Variants in RBFOX2 observed in about 807,000 individuals in gnomAD.
RBFOX2 encodes RNA binding protein fox-1 homolog 2.
In RBFOX2, 10 loss-of-function variants were observed where a neutral mutation model predicts 49.1. That is an observed-to-expected ratio of 0.20 (90% CI 0.13 to 0.35). The LOEUF is 0.35. Ranked by LOEUF, RBFOX2 falls within the 10% of genes least tolerant of loss-of-function variation. The pLI, the probability that RBFOX2 is intolerant of heterozygous loss-of-function variation, is 1.00. For missense variants in RBFOX2, 323 were observed against 486.9 expected (o/e 0.66, Z 3.17); for synonymous variants, 183 against 187.4 (o/e 0.98, Z 0.19).
Position 35,975,933 on chromosome 22 carries a change from G to T in RBFOX2, c.187-37036C>A, listed in dbSNP as rs139805643. Among the ~76,000 whole-genome samples, 220 of 152,228 alleles carry T rather than the reference G, an allele frequency of 1.4e-3. 2 individuals are homozygous for T. The highest frequency in any genetic ancestry group is 4.9e-3 in the African/African-American group (202 of 41,540). On this transcript the variant is annotated intron_variant, in intron 1 of 13. Transcript: ENST00000438146. ...TTATAAATTATGTGAAGGATATAAAGAATAACAAAAACATATGCCATTAGA... is the reference window on the plus strand; with the variant it reads ...TTATAAATTATGTGAAGGATATAAATAATAACAAAAACATATGCCATTAGA...
At chr22:36,000,467 T>A (rs747592527) in intron 1 of RBFOX2, 11 of 152,194 alleles carry the variant, frequency 7.2e-5, no homozygotes, top group Non-Finnish European at 1.3e-4. Context: ...GCAACATGAA[T>A]AAGACTTTGA....
At chr22:35,772,412 AT>A (rs1471922324) in intron 4 of RBFOX2, among the ~76,000 whole-genome samples, 1 of 152,184 alleles carries the variant, frequency 6.6e-6, no homozygotes, top group Non-Finnish European at 1.5e-5. Context: ...ACATTTCAAT[AT>A]GGTATTAATA....
intron 1 of RBFOX2, among the ~76,000 whole-genome samples, chr22:35,882,400 C>T (rs1456454061): frequency 1.3e-5 from 2 of 152,034 alleles, no homozygotes; most frequent in Admixed American, 6.6e-5. Context: ...AACCTGGCTG[C>T]GTGGGTTTAA....
At chr22:35,899,464 C>A (rs1437015524) in intron 1 of RBFOX2, among the ~76,000 whole-genome samples, 1 of 151,184 alleles carries the variant, frequency 6.6e-6, no homozygotes, top group Admixed American at 6.6e-5. Flanking sequence ...CTGTATGTTA[C>A]CTTTATGAAA....
At chr22:36,023,894 T>C (rs1459826367) in intron 1 of RBFOX2, among the ~76,000 whole-genome samples, 3 of 152,182 alleles carry the variant, frequency 2.0e-5, no homozygotes, top group African/African-American at 7.2e-5. Context: ...CTAAGGATTA[T>C]AACAAAAGCA....
intron 1 of RBFOX2, among the ~76,000 whole-genome samples, chr22:35,838,251 C>A (rs1272342695): frequency 6.8e-6 from 1 of 147,390 alleles, no homozygotes; most frequent in Admixed American, 6.6e-5. Context: ...AAAAATAAAG[C>A]AGTATTTCTT....
chr22:35,768,436 G>A, intron 4 of RBFOX2, 87 bp from the exon 6 acceptor site: 1 of 1,184,508 alleles, frequency 8.4e-7, no homozygotes, highest in South Asian at 1.4e-5. Flanking sequence ...AAATATCATA[G>A]TATGAAACTG....
intron 1 of RBFOX2, among the ~76,000 whole-genome samples, chr22:35,931,253 G>T (rs1000378211): frequency 2.7e-5 from 4 of 149,984 alleles, no homozygotes; most frequent in Non-Finnish European, 5.9e-5. Context: ...CAACCTAACA[G>T]GGGGGAAAAA....
chr22:35,743,970 A>G (rs887806418), exon 12 of RBFOX2: 1 of 414,854 alleles, frequency 2.4e-6, no homozygotes, highest in Non-Finnish European at 4.2e-6. Context: ...AAAAAAGAAA[A>G]AAATGCACAA....
intron 1 of RBFOX2, among the ~76,000 whole-genome samples, chr22:35,972,412 T>C (rs763645046): frequency 6.6e-6 from 1 of 150,834 alleles, no homozygotes; most frequent in South Asian, 2.1e-4. Flanking sequence ...TTCTGTAAAA[T>C]TGATTTTTAC....
At chr22:35,744,891 C>G (rs938237400) in intron 11 of RBFOX2, among the ~76,000 whole-genome samples, 8 of 152,182 alleles carry the variant, frequency 5.3e-5, no homozygotes, top group African/African-American at 1.9e-4. Context: ...AATGGCTTAT[C>G]TCTTTCAATT....
intron 1 of RBFOX2, among the ~76,000 whole-genome samples, chr22:36,010,744 C>G (rs2058790386): frequency 6.7e-6 from 1 of 149,386 alleles, no homozygotes; most frequent in Non-Finnish European, 1.5e-5. Flanking sequence ...CACACACACA[C>G]ACACACACAC....
chr22:35,915,770 G>A (rs755340685), intron 1 of RBFOX2, among the ~76,000 whole-genome samples: 12 of 152,134 alleles, frequency 7.9e-5, no homozygotes, highest in Non-Finnish European at 1.5e-4. Flanking sequence ...CGAGGAGTAA[G>A]CCATACCCTC....
intron 1 of RBFOX2, among the ~76,000 whole-genome samples, chr22:35,846,208 A>G (rs988480858): frequency 1.0e-4 from 15 of 149,698 alleles, no homozygotes; most frequent in Middle Eastern, 7.1e-3. Context: ...TACATAAACT[A>G]TATAAGTATA....
intron 1 of RBFOX2, among the ~76,000 whole-genome samples, chr22:35,984,086 T>G (rs1290509303): frequency 6.6e-6 from 1 of 152,118 alleles, no homozygotes; most frequent in African/African-American, 2.4e-5. Flanking sequence ...TCCTTATACC[T>G]CAACAACTTA....
At chr22:35,873,227 G>T (rs189488223) in intron 1 of RBFOX2, among the ~76,000 whole-genome samples, 13 of 152,222 alleles carry the variant, frequency 8.5e-5, no homozygotes, top group Non-Finnish European at 1.5e-4. Flanking sequence ...CGCCTCCCCA[G>T]TTCAAGCAAT....
intron 9 of RBFOX2, chr22:35,746,918 A>G: frequency 5.3e-6 from 1 of 188,138 alleles, no homozygotes. Flanking sequence ...GCAAGTTGGG[A>G]GCACTCTGAC....
At position 36,001,225 on chromosome 22, in the gene RBFOX2, ACACACACAC is replaced by A. The variant is rs1490130559; in HGVS notation, c.186+27006_186+27014del. Among the ~76,000 whole-genome samples, 553 of 119,832 alleles carry A rather than the reference ACACACACAC, an allele frequency of 4.6e-3. 4 individuals carry two copies. Among genetic ancestry groups the A allele is most frequent in the African/African-American group, 0.015 (468 of 31,102 alleles). The allele number at this position is 119,832 out of a possible 152,430, so 78.6% of individuals were successfully genotyped here. ...CACACACACACACACACACACACAC[ACACACACAC>A]TATATGTATATACATGTACACATAC... is the stretch of plus-strand genomic sequence containing the variant. On this transcript the variant is annotated intron_variant, in intron 1 of 13. Coordinates refer to the RBFOX2 transcript ENST00000438146.
intron 1 of RBFOX2, among the ~76,000 whole-genome samples, chr22:35,953,666 T>G (rs1043302853): frequency 6.6e-6 from 1 of 152,184 alleles, no homozygotes; most frequent in Non-Finnish European, 1.5e-5. Flanking sequence ...TTATATGAAT[T>G]TAACCTCCAT....
Sources: gnomAD v4.1 joint callset for allele counts (sites outside exome capture counted in the v4.1 genomes callset) on GRCh38, gnomAD v4.1.1 for gene constraint, MANE v1.5 for transcripts, NCBI Gene and HGNC (gene_info 2026-07-23, HGNC 2026-07-21) for gene names.